Variants in CHD6 observed in about 807,000 individuals in gnomAD.
The protein encoded by CHD6 is chromodomain helicase DNA binding protein 6, also known as ATP-dependent chromatin remodeler CHD6.
A neutral mutation model predicts 276.9 loss-of-function variants in CHD6; 50 were observed. That is an observed-to-expected ratio of 0.18 (90% CI 0.14 to 0.23). The LOEUF is 0.23. CHD6 is among the 10% of genes least tolerant of loss of function. CHD6 has a pLI of 1.00. For synonymous variants in CHD6, 1,173 were observed against 1,229.3 expected (o/e 0.95, Z 0.96); for missense variants, 2,564 against 3,365.8 (o/e 0.76, Z 5.89).
chr20:41,556,852 A>G (rs1014795839), intron 1 of CHD6, among the ~76,000 whole-genome samples: 1 of 152,206 alleles, frequency 6.6e-6, no homozygotes, highest in Non-Finnish European at 1.5e-5. Flanking sequence ...TACTTTTTAA[A>G]TCTTTTTAAA....
chr20:41,446,945 A>G (rs1371085315), intron 24 of CHD6, among the ~76,000 whole-genome samples: 1 of 152,198 alleles, frequency 6.6e-6, no homozygotes, highest in Non-Finnish European at 1.5e-5. Context: ...CACTTGATGG[A>G]TATTATCAGG....
At chr20:41,515,355 ACAC>A (rs1459623788) in intron 3 of CHD6, among the ~76,000 whole-genome samples, 1 of 152,190 alleles carries the variant, frequency 6.6e-6, no homozygotes, top group Non-Finnish European at 1.5e-5. Context: ...TCTATTGAGT[ACAC>A]GCTGGACCTG....
intron 1 of CHD6, among the ~76,000 whole-genome samples, chr20:41,589,513 A>C (rs1278175702): frequency 6.6e-6 from 1 of 152,258 alleles, no homozygotes; most frequent in Non-Finnish European, 1.5e-5. Flanking sequence ...AAGCAACTTC[A>C]GCAAAGTCGC....
chr20:41,499,244 A>AAGATG, intron 6 of CHD6, 51 bp downstream of exon 6: 1 of 1,408,406 alleles, frequency 7.1e-7, no homozygotes, highest in Non-Finnish European at 9.8e-7. Context: ...CTCTTCACAG[A>AAGATG]AGATGTAATC....
intron 25 of CHD6, among the ~76,000 whole-genome samples, chr20:41,444,536 A>G (rs766739860): frequency 2.6e-5 from 4 of 152,222 alleles, no homozygotes; most frequent in Non-Finnish European, 5.9e-5. Context: ...CTGCATTCTC[A>G]ATACCAGTAT....
chr20:41,566,125 A>G (rs983375177), intron 1 of CHD6, among the ~76,000 whole-genome samples: 1 of 152,128 alleles, frequency 6.6e-6, no homozygotes, highest in African/African-American at 2.4e-5. Flanking sequence ...AAAGATTCCA[A>G]TTTAACTGGT....
intron 10 of CHD6, among the ~76,000 whole-genome samples, chr20:41,492,480 T>C (rs568848661): frequency 1.3e-5 from 2 of 152,342 alleles, no homozygotes; most frequent in Non-Finnish European, 2.9e-5. Context: ...CTTCCAGTGA[T>C]GTAAAAGCAA....
At chr20:41,477,550 T>C (rs905602958) in intron 16 of CHD6, among the ~76,000 whole-genome samples, 2 of 152,216 alleles carry the variant, frequency 1.3e-5, no homozygotes, top group South Asian at 2.1e-4. Context: ...TTAAAGATTA[T>C]GAATTTAACA....
intron 26 of CHD6, among the ~76,000 whole-genome samples, chr20:41,439,195 A>G (rs2047817784): frequency 6.6e-6 from 1 of 152,078 alleles, no homozygotes; most frequent in Non-Finnish European, 1.5e-5. Flanking sequence ...ATCTCTACTA[A>G]AAACACAAAA....
At chr20:41,482,508 T>G (rs1340460000) in intron 16 of CHD6, 1 of 509,618 alleles carries the variant, frequency 2.0e-6, no homozygotes, top group Non-Finnish European at 3.9e-6. Flanking sequence ...AGAACATCTG[T>G]TAAGACACCC....
intron 1 of CHD6, among the ~76,000 whole-genome samples, chr20:41,568,145 A>C (rs2045379513): frequency 6.6e-6 from 1 of 152,194 alleles, no homozygotes; most frequent in Non-Finnish European, 1.5e-5. Flanking sequence ...CATTTTAGAC[A>C]AGATAGATAG....
intron 31 of CHD6, among the ~76,000 whole-genome samples, chr20:41,419,698 C>G (rs1171329548): frequency 6.6e-6 from 1 of 151,214 alleles, no homozygotes; most frequent in South Asian, 2.1e-4. Context: ...CTCAGCACCA[C>G]AGTGGACCAG....
intron 1 of CHD6, among the ~76,000 whole-genome samples, chr20:41,582,739 G>A (rs2045553959): frequency 6.6e-6 from 1 of 152,194 alleles, no homozygotes; most frequent in Admixed American, 6.5e-5. Flanking sequence ...AAAAAATTTA[G>A]TAGACAATAT....
intron 17 of CHD6, among the ~76,000 whole-genome samples, chr20:41,467,376 G>T (rs1204270948): frequency 1.3e-5 from 2 of 152,034 alleles, no homozygotes; most frequent in East Asian, 3.9e-4. Context: ...ATCAGCAAAG[G>T]TATACATATA....
chr20:41,477,090 T>G (rs1242670205), intron 16 of CHD6, among the ~76,000 whole-genome samples: 13 of 151,410 alleles, frequency 8.6e-5, no homozygotes, highest in Non-Finnish European at 2.9e-5. Flanking sequence ...GAAAGAAAAA[T>G]CAGACAGGCA....
At chr20:41,541,185 C>G (rs1419671885) in intron 2 of CHD6, among the ~76,000 whole-genome samples, 4 of 152,178 alleles carry the variant, frequency 2.6e-5, no homozygotes, top group Non-Finnish European at 5.9e-5. Context: ...TTGTATGTCT[C>G]TTTCTCTCTT....
chr20:41,486,606 C>A (rs1339284733), intron 14 of CHD6, among the ~76,000 whole-genome samples: 3 of 152,096 alleles, frequency 2.0e-5, no homozygotes, highest in African/African-American at 7.2e-5. Context: ...CATTCTTTGC[C>A]CCAACCCACT....
intron 3 of CHD6, among the ~76,000 whole-genome samples, chr20:41,521,113 C>T (rs563077851): frequency 6.6e-6 from 1 of 152,244 alleles, no homozygotes; most frequent in East Asian, 1.9e-4. Context: ...TTTAGGAAAT[C>T]TGTTAAAGTT....
chr20:41,431,592 A>G (rs1255713668), intron 27 of CHD6, among the ~76,000 whole-genome samples: 1 of 152,134 alleles, frequency 6.6e-6, no homozygotes, highest in Non-Finnish European at 1.5e-5. Flanking sequence ...AAAATCTCAG[A>G]AACTCATTTT....
Sources: allele counts gnomAD v4.1 joint callset (sites outside exome capture counted in the v4.1 genomes callset), GRCh38; gene constraint gnomAD v4.1.1; transcripts MANE v1.5; gene names NCBI Gene and HGNC (gene_info 2026-07-23, HGNC 2026-07-21).